Variants in ZNF518A observed in about 807,000 individuals in gnomAD.
ZNF518A encodes zinc finger protein 518.
In ZNF518A, 47 loss-of-function variants were observed where a neutral mutation model predicts 102.7. The observed-to-expected ratio is 0.46, with a 90% confidence interval of 0.36 to 0.58. ZNF518A has a LOEUF of 0.58. Ranked by LOEUF, ZNF518A falls within the 20% of genes least tolerant of loss-of-function variation. The pLI, the probability that ZNF518A is intolerant of heterozygous loss-of-function variation, is 0.00. For missense variants in ZNF518A, 1,793 were observed against 1,699.8 expected (o/e 1.05, Z -0.96); for synonymous variants, 652 against 594.6 (o/e 1.10, Z -1.40).
chr10:96,197,901 G>A (rs1347279848), intron 1 of ZNF518A, among the ~76,000 whole-genome samples: 1 of 141,812 alleles, frequency 7.1e-6, no homozygotes, highest in African/African-American at 2.6e-5. Context: ...GGGTGACAGA[G>A]CGAGACAACA....
intron 1 of ZNF518A, among the ~76,000 whole-genome samples, chr10:96,197,506 T>C (rs11188659): frequency 0.39 from 59,116 of 151,912 alleles, 12,301 homozygotes; most frequent in Middle Eastern, 0.6. Flanking sequence ...TAAGGTTTTA[T>C]GTTTATAAAA....
At chr10:96,142,068 G>T (rs1425096255) in intron 3 of ZNF518A, among the ~76,000 whole-genome samples, 1 of 152,034 alleles carries the variant, frequency 6.6e-6, no homozygotes, top group Non-Finnish European at 1.5e-5. Flanking sequence ...TGCTTAAGTT[G>T]TTCATTAGAC....
intron 3 of ZNF518A, among the ~76,000 whole-genome samples, chr10:96,142,831 A>C (rs2082002467): frequency 6.7e-6 from 1 of 149,298 alleles, no homozygotes. Context: ...ATTGCGACAG[A>C]GTCTCGCTGT....
chr10:96,160,524 A>G lies in ZNF518A; in HGVS notation c.4202A>G (p.Asp1401Gly). The change falls in exon 6 of 6, where the codon GAT becomes GGT. Residue 1401 changes from aspartate to glycine, a missense_variant. By Grantham distance (94) the Asp-to-Gly change is moderately conservative. Coordinates refer to ENST00000316045, the MANE Select transcript of ZNF518A (RefSeq NM_001330736.2). ...VCYNPPKTTY[D>G]DFSKRHKTFK... ...TATAACCCTCCTAAAACAACTTATG[A>G]TGATTTTTCCAAGAGGCACAAAACA... 1.2e-6 allele frequency: 2 copies of G among 1,612,400 alleles called. No homozygotes were observed. Among genetic ancestry groups the G allele is most frequent in the East Asian group, 2.2e-5 (1 of 44,852 alleles).
In ZNF518A at chr10:96,161,950, G is replaced by C. The variant is rs2083016346; in HGVS notation, c.*1176G>C. On this transcript the variant is annotated 3_prime_UTR_variant, in exon 6 of 6. Coordinates refer to ENST00000316045, the MANE Select transcript of ZNF518A (RefSeq NM_001330736.2). ...GACATGCCCAACAGAGTTTTAAAAT[G>C]GATGTTTTCATGATGACAACAGAAT... The C allele has an allele frequency of 6.0e-6, 1 of 166,876 alleles. No homozygotes were observed. 10.3% of individuals were successfully genotyped at this position (166,876 alleles called of 1,614,324 possible).
intron 3 of ZNF518A, among the ~76,000 whole-genome samples, chr10:96,150,743 CTTTTTTTTT>C (rs10675397): frequency 1.7e-4 from 5 of 30,292 alleles, no homozygotes; most frequent in Admixed American, 7.2e-4. Context: ...TCTTTCTTTC[CTTTTTTTTT>C]TTTTTTTTTT....
At position 96,160,864 on chromosome 10, in the gene ZNF518A, C is replaced by A; in HGVS notation, c.*90C>A. On this transcript the variant is annotated 3_prime_UTR_variant, in exon 6 of 6. Transcript: ENST00000316045. ...ACCATAATGCAGACATTTTCTACTT[C>A]AGTATAGTACCTGAAATCGAACATT... 7.8e-7 allele frequency: 1 copy of A among 1,282,370 alleles called. No individual in the cohort carries two copies. The highest frequency in any genetic ancestry group is 1.0e-6 in the Non-Finnish European group (1 of 968,304). The allele number at this position is 1,282,370 out of a possible 1,614,324, so 79.4% of individuals were successfully genotyped here.
intron 1 of ZNF518A, among the ~76,000 whole-genome samples, chr10:96,171,565 G>C (rs901986504): frequency 6.6e-6 from 1 of 152,118 alleles, no homozygotes; most frequent in African/African-American, 2.4e-5. Context: ...AAAGGACAAG[G>C]AGTGATAAAA....
chr10:96,157,730 C>A lies in ZNF518A; in HGVS notation c.1408C>A (p.Pro470Thr). ...GCCTATCAAACAAAATGTATGTTCA[C>A]CAGGCTCACAGTCAGGTGCTGCAAA... ...LVPIKQNVCSPGSQSGAAKDG... is the reference protein window; with the variant it reads ...LVPIKQNVCSTGSQSGAAKDG... Residue 470 changes from proline to threonine, a missense_variant, in exon 6 of 6, where the codon CCA becomes ACA. Transcript: ENST00000316045. 6.2e-7 allele frequency: 1 copy of A among 1,613,876 alleles called. No homozygotes were observed. Among genetic ancestry groups the A allele is most frequent in the Non-Finnish European group, 8.5e-7 (1 of 1,179,782 alleles).
intron 1 of ZNF518A, among the ~76,000 whole-genome samples, chr10:96,187,829 A>G (rs150164785): frequency 5.3e-4 from 80 of 152,316 alleles, no homozygotes; most frequent in Non-Finnish European, 1.0e-3. Flanking sequence ...TTGAGATCAC[A>G]GACAGGTGTT....
chr10:96,183,089 AT>A (rs2083249594), intron 1 of ZNF518A, among the ~76,000 whole-genome samples: 1 of 151,822 alleles, frequency 6.6e-6, no homozygotes, highest in Non-Finnish European at 1.5e-5. Context: ...TTTCTTCTAG[AT>A]TTTCTAGTTT....
chr10:96,186,006 G>A (rs984939360), intron 1 of ZNF518A, among the ~76,000 whole-genome samples: 22 of 152,228 alleles, frequency 1.4e-4, no homozygotes, highest in African/African-American at 4.3e-4. Context: ...GCAAGGCTTC[G>A]TGGGCGTGGG....
chr10:96,177,480 A>T (rs1395196576), intron 1 of ZNF518A, among the ~76,000 whole-genome samples: 1 of 152,240 alleles, frequency 6.6e-6, no homozygotes, highest in African/African-American at 2.4e-5. Context: ...CTTTTAAAGA[A>T]AATCATTGAA....
chr10:96,153,785 A>G (rs3762091), intron 3 of ZNF518A, among the ~76,000 whole-genome samples: 7,191 of 152,302 alleles, frequency 0.047, 241 homozygotes, highest in South Asian at 0.12. Flanking sequence ...AGAGGTGTCA[A>G]ATGTGAAATA....
chr10:96,146,762 A>G (rs1261919012), intron 3 of ZNF518A, among the ~76,000 whole-genome samples: 2 of 152,188 alleles, frequency 1.3e-5, no homozygotes, highest in Admixed American at 1.3e-4. Flanking sequence ...TGCTCCTAAC[A>G]AATATGAAAC....
intron 1 of ZNF518A, among the ~76,000 whole-genome samples, chr10:96,193,837 C>G (rs587654801): frequency 6.6e-6 from 1 of 152,180 alleles, no homozygotes; most frequent in Non-Finnish European, 1.5e-5. Flanking sequence ...CAAATACACA[C>G]AGACTTTCAG....
chr10:96,165,050 T>TAA (rs2083115577), downstream of ZNF518A, among the ~76,000 whole-genome samples: 1 of 152,138 alleles, frequency 6.6e-6, no homozygotes, highest in Non-Finnish European at 1.5e-5. Flanking sequence ...CTTGGAAGTT[T>TAA]AAAGGAGTAC....
intron 1 of ZNF518A, among the ~76,000 whole-genome samples, chr10:96,198,772 C>T (rs2083543194): frequency 6.6e-6 from 1 of 152,230 alleles, no homozygotes; most frequent in Admixed American, 6.5e-5. Flanking sequence ...GATCTCGGCT[C>T]ACTGCAACTT....
chr10:96,167,676 G>C (rs782771085), downstream of ZNF518A, among the ~76,000 whole-genome samples: 1 of 152,130 alleles, frequency 6.6e-6, no homozygotes, highest in Non-Finnish European at 1.5e-5. Context: ...CAAACCTGCA[G>C]ATTGATAGAG....
Sources: gnomAD v4.1 joint callset for allele counts (sites outside exome capture counted in the v4.1 genomes callset) on GRCh38, gnomAD v4.1.1 for gene constraint, MANE v1.5 for transcripts, NCBI Gene and HGNC (gene_info 2026-07-23, HGNC 2026-07-21) for gene names.